CDIN1: variants seen among roughly 807,000 people sequenced by gnomAD.
CDIN1 encodes the protein CDAN1-interacting nuclease 1.
A neutral mutation model predicts 45.3 loss-of-function variants in CDIN1; 33 were observed. That is an observed-to-expected ratio of 0.73 (90% CI 0.55 to 0.97). The LOEUF is 0.97. Among genes scored for constraint, CDIN1 ranks in the 50% least tolerant of loss-of-function variants. The probability of loss-of-function intolerance (pLI) is 0.00; values close to 1 mark genes in which losing one functional copy is unlikely to be tolerated. For synonymous variants in CDIN1, 118 were observed against 124.4 expected, an observed-to-expected ratio of 0.95 and a Z score of 0.34; for missense variants, 303 against 339.4, an observed-to-expected ratio of 0.89 and a Z score of 0.84.
chr15:36,681,588 A>G (rs1486911173), intron 5 of CDIN1, among the ~76,000 whole-genome samples: 3 of 152,176 alleles, frequency 2.0e-5, no homozygotes, highest in Non-Finnish European at 2.9e-5. Context: ...AAATACAAAT[A>G]GCCACATCTA....
chr15:36,722,303 A>ATC (rs5811928), intron 10 of CDIN1, among the ~76,000 whole-genome samples: 3,850 of 140,704 alleles, frequency 0.027, 86 homozygotes, highest in Middle Eastern at 0.034. Context: ...TTCTTTTGAG[A>ATC]TCTCTCTCTC....
At chr15:36,725,636 G>A (rs562644510) in intron 10 of CDIN1, among the ~76,000 whole-genome samples, 1 of 152,168 alleles carries the variant, frequency 6.6e-6, no homozygotes, top group African/African-American at 2.4e-5. Flanking sequence ...GTGTTAAAAG[G>A]TTGAAGAGTT....
chr15:36,770,240 C>T (rs978062125), intron 10 of CDIN1, among the ~76,000 whole-genome samples: 1 of 151,098 alleles, frequency 6.6e-6, no homozygotes, highest in African/African-American at 2.4e-5. Flanking sequence ...TGAGCCACTT[C>T]TGACATCTGT....
intron 3 of CDIN1, among the ~76,000 whole-genome samples, chr15:36,653,530 T>G (rs1333503305): frequency 6.6e-6 from 1 of 151,864 alleles, no homozygotes; most frequent in Non-Finnish European, 1.5e-5. Context: ...GAGTTGTGTG[T>G]TTTTTTCCAG....
rs16963639 is a variant in CDIN1, at chr15:36,597,782, C to T, written c.101+17821C>T. ...GGTTTCTTTGCTCCACATGAAGTAT[C>T]TCATTGACTGTCAGTTCTCCTGTCA... On this transcript the variant is annotated intron_variant, in intron 1 of 10. Coordinates refer to ENST00000566621, the MANE Select transcript of CDIN1 (RefSeq NM_001321759.2). Among the ~76,000 whole-genome samples, 1,086 of 152,170 alleles carry T rather than the reference C, an allele frequency of 7.1e-3. 22 individuals are homozygous for T. The highest frequency in any genetic ancestry group is 0.039 in the Admixed American group (602 of 15,276).
chr15:36,736,518 C>T (rs1442549671), intron 10 of CDIN1, among the ~76,000 whole-genome samples: 1 of 152,134 alleles, frequency 6.6e-6, no homozygotes, highest in Non-Finnish European at 1.5e-5. Flanking sequence ...GTTGGTTATA[C>T]TCCTGCATCC....
At chr15:36,631,105 C>T (rs994396349) in intron 1 of CDIN1, among the ~76,000 whole-genome samples, 5 of 152,104 alleles carry the variant, frequency 3.3e-5, no homozygotes, top group African/African-American at 9.7e-5. Flanking sequence ...ACAATGGTCC[C>T]GTATCAGGAG....
intron 10 of CDIN1, among the ~76,000 whole-genome samples, chr15:36,761,485 G>A (rs1396688036): frequency 2.6e-5 from 4 of 152,292 alleles, no homozygotes; most frequent in Middle Eastern, 6.8e-3. Context: ...AGATGATACG[G>A]TCTTTCTTCT....
chr15:36,804,454 G>A (rs2055156678), intron 10 of CDIN1: 1 of 151,898 alleles, frequency 6.6e-6, no homozygotes, highest in Non-Finnish European at 1.5e-5. Flanking sequence ...TTGTCCTTGA[G>A]GGTATCTTTC....
Position 36,582,641 on chromosome 15 carries a change from C to T in CDIN1, c.101+2680C>T, listed in dbSNP as rs201254069. Among the ~76,000 whole-genome samples, 29 of 152,216 alleles carry T rather than the reference C, an allele frequency of 1.9e-4. No homozygotes were observed. In the East Asian group the frequency reaches 4.0e-3, roughly 21 times the overall value. ...AAAATAGTCGTGTTGACCCTGTAGA[C>T]CTGTGAGAGGGTCTCAGGGACTCCA... On this transcript the variant is annotated intron_variant, in intron 1 of 10. Coordinates refer to ENST00000566621, the MANE Select transcript of CDIN1 (RefSeq NM_001321759.2).
chr15:36,633,019 A>G (rs1476286846), intron 1 of CDIN1, among the ~76,000 whole-genome samples: 2 of 152,234 alleles, frequency 1.3e-5, no homozygotes, highest in African/African-American at 4.8e-5. Context: ...TTAAATCAGA[A>G]CATTTAGAAA....
intron 10 of CDIN1, among the ~76,000 whole-genome samples, chr15:36,794,629 T>C (rs2054742770): frequency 6.7e-6 from 1 of 148,288 alleles, no homozygotes; most frequent in South Asian, 2.1e-4. Context: ...GTGACAGGAT[T>C]TTCCTCTTTT....
intron 5 of CDIN1, among the ~76,000 whole-genome samples, chr15:36,670,244 T>C (rs1481873368): frequency 6.6e-6 from 1 of 152,150 alleles, no homozygotes; most frequent in South Asian, 2.1e-4. Flanking sequence ...TCTTCTCTTG[T>C]CTGTGTTACC....
At chr15:36,586,731 G>A (rs1220115628) in intron 1 of CDIN1, among the ~76,000 whole-genome samples, 2 of 152,038 alleles carry the variant, frequency 1.3e-5, no homozygotes, top group Non-Finnish European at 2.9e-5. Flanking sequence ...TCCAGCATGG[G>A]CAACATAGCT....
intron 1 of CDIN1, among the ~76,000 whole-genome samples, chr15:36,583,754 A>C (rs551615349): frequency 2.7e-4 from 41 of 152,300 alleles, no homozygotes; most frequent in Non-Finnish European, 2.6e-4. Flanking sequence ...CTGTGGCTCA[A>C]GCCTGTAATC....
chr15:36,741,375 G>A (rs2044231630), intron 10 of CDIN1, among the ~76,000 whole-genome samples: 1 of 149,732 alleles, frequency 6.7e-6, no homozygotes, highest in Non-Finnish European at 1.5e-5. Flanking sequence ...AGTTGTAAGT[G>A]TTTAAGTCTG....
At chr15:36,594,378 A>G (rs759858963) in intron 1 of CDIN1, among the ~76,000 whole-genome samples, 3 of 152,238 alleles carry the variant, frequency 2.0e-5, no homozygotes, top group Non-Finnish European at 2.9e-5. Flanking sequence ...TTTAGGGACA[A>G]TTATTTGCCA....
intron 5 of CDIN1, among the ~76,000 whole-genome samples, chr15:36,686,212 A>T (rs972324426): frequency 6.6e-6 from 1 of 151,786 alleles, no homozygotes; most frequent in Non-Finnish European, 1.5e-5. Context: ...CATATACACC[A>T]TGGAATACTA....
At chr15:36,757,671 C>G (rs1296573338) in intron 10 of CDIN1, among the ~76,000 whole-genome samples, 1 of 152,130 alleles carries the variant, frequency 6.6e-6, no homozygotes, top group Non-Finnish European at 1.5e-5. Flanking sequence ...CGCCTGTTAG[C>G]AGCCACATCT....
Sources: gnomAD v4.1 joint callset for allele counts (sites outside exome capture counted in the v4.1 genomes callset) on GRCh38, gnomAD v4.1.1 for gene constraint, MANE v1.5 for transcripts, NCBI Gene and HGNC (gene_info 2026-07-23, HGNC 2026-07-21) for gene names.